The following ADGRL3 variants were observed in gnomAD, a reference collection of about 807,000 sequenced individuals.
ADGRL3 encodes calcium-independent alpha-latrotoxin receptor 3.
A neutral mutation model predicts 153.5 loss-of-function variants in ADGRL3; 62 were observed. The ratio of observed to expected loss-of-function variants is 0.40; its 90% CI spans 0.33 to 0.50. ADGRL3 has a LOEUF of 0.50. Ranked by LOEUF, ADGRL3 falls within the 20% of genes least tolerant of loss-of-function variation. The pLI is 0.47. For synonymous variants in ADGRL3, 710 were observed against 672.5 expected (o/e 1.06, Z -0.86); for missense variants, 1,641 against 1,859.4 (o/e 0.88, Z 2.16).
intron 4 of ADGRL3, among the ~76,000 whole-genome samples, chr4:61,576,373 A>G (rs1300207162): frequency 1.3e-5 from 2 of 151,758 alleles, no homozygotes; most frequent in African/African-American, 2.4e-5. Context: ...TGGCTAGTCT[A>G]TCACATCCTG....
chr4:61,509,429 A>G (rs1378470200), intron 3 of ADGRL3, among the ~76,000 whole-genome samples: 4 of 152,210 alleles, frequency 2.6e-5, no homozygotes, highest in African/African-American at 9.6e-5. Flanking sequence ...CGCCTGGCAC[A>G]TATCACATCT....
intron 2 of ADGRL3, among the ~76,000 whole-genome samples, chr4:61,425,958 G>A (rs1196549548): frequency 6.6e-6 from 1 of 152,220 alleles, no homozygotes; most frequent in Non-Finnish European, 1.5e-5. Context: ...TATCTAGTGA[G>A]AGGAGGTCAT....
intron 21 of ADGRL3, among the ~76,000 whole-genome samples, chr4:62,016,508 A>G (rs1395513193): frequency 6.6e-6 from 1 of 152,188 alleles, no homozygotes; most frequent in Admixed American, 6.5e-5. Flanking sequence ...ATGCTACCAC[A>G]GTATCCTACA....
chr4:61,795,393 G>T lies in ADGRL3; in HGVS notation c.1400-18416G>T, dbSNP rs569369862. On this transcript the variant is annotated intron_variant, in intron 8 of 26. Transcript: ENST00000683033. ...TCCTCCCAGAGGGCTGGAATTACAG[G>T]TGTGAGCCACTCTGTGGGCCGCAAC... Among the ~76,000 whole-genome samples the T allele has an allele frequency of 7.9e-5, 12 of 151,980 alleles. No individual in the cohort carries two copies. The East Asian group carries it at 1.9e-3, about 25-fold the overall frequency.
chr4:62,067,910 T>C (rs908005377), intron 25 of ADGRL3, among the ~76,000 whole-genome samples: 7 of 152,210 alleles, frequency 4.6e-5, no homozygotes, highest in Non-Finnish European at 1.0e-4. Context: ...AATTTACAAA[T>C]GGTGGAAACG....
At chr4:61,769,677 T>C (rs550730295) in intron 8 of ADGRL3, among the ~76,000 whole-genome samples, 1 of 151,282 alleles carries the variant, frequency 6.6e-6, no homozygotes, top group Non-Finnish European at 1.5e-5. Context: ...GGCCGTTTTA[T>C]AGGATTTGGG....
At chr4:61,432,351 A>G (rs1401348138) in intron 2 of ADGRL3, among the ~76,000 whole-genome samples, 1 of 152,174 alleles carries the variant, frequency 6.6e-6, no homozygotes, top group Non-Finnish European at 1.5e-5. Flanking sequence ...GTTAGATTAC[A>G]TATAAAGCAG....
chr4:61,997,440 G>A (rs17082517), intron 20 of ADGRL3, among the ~76,000 whole-genome samples: 5,956 of 151,916 alleles, frequency 0.039, 402 homozygotes, highest in African/African-American at 0.14. Context: ...AAAGTATTGC[G>A]AACATGTATT....
chr4:61,978,406 C>G (rs1176437200), intron 17 of ADGRL3, among the ~76,000 whole-genome samples: 1 of 151,644 alleles, frequency 6.6e-6, no homozygotes, highest in Non-Finnish European at 1.5e-5. Context: ...CACTGATTTT[C>G]TACTATTCTT....
intron 1 of ADGRL3, among the ~76,000 whole-genome samples, chr4:61,218,731 A>G (rs980842264): frequency 6.6e-6 from 1 of 152,198 alleles, no homozygotes; most frequent in Non-Finnish European, 1.5e-5. Flanking sequence ...TGAAGAAGGG[A>G]ACCTCCTGTT....
At chr4:61,934,669 G>T (rs1024206809) in intron 13 of ADGRL3, among the ~76,000 whole-genome samples, 171 bp from the exon 14 acceptor site, 1 of 152,172 alleles carries the variant, frequency 6.6e-6, no homozygotes, top group Non-Finnish European at 1.5e-5. Context: ...GGGTTTTACA[G>T]AACAAAATAA....
At chr4:61,466,227 TC>T (rs1254162338) in intron 2 of ADGRL3, among the ~76,000 whole-genome samples, 2 of 152,226 alleles carry the variant, frequency 1.3e-5, no homozygotes, top group African/African-American at 4.8e-5. Flanking sequence ...TAAAATAATT[TC>T]CACTACCTGT....
At chr4:61,517,576 G>T (rs2098504958) in intron 4 of ADGRL3, 58 bp downstream of exon 4, 3 of 691,090 alleles carry the variant, frequency 4.3e-6, no homozygotes, top group Non-Finnish European at 5.3e-6. Context: ...CTCCTGAGAG[G>T]CTCAGCCCCA....
At chr4:61,643,038 C>G (rs1460735041) in intron 5 of ADGRL3, among the ~76,000 whole-genome samples, 2 of 152,084 alleles carry the variant, frequency 1.3e-5, no homozygotes, top group Non-Finnish European at 2.9e-5. Context: ...GTATTTTATT[C>G]TCTTTGAAGC....
chr4:61,646,175 T>C (rs2093972892), intron 5 of ADGRL3, among the ~76,000 whole-genome samples: 1 of 152,036 alleles, frequency 6.6e-6, no homozygotes, highest in African/African-American at 2.4e-5. Context: ...TTATTCTAGT[T>C]ATACATTCTT....
Position 61,934,867 on chromosome 4 carries a change from C to T in ADGRL3, c.2140C>T (p.Leu714Phe), listed in dbSNP as rs896511719. Residue 714 changes from leucine to phenylalanine, a missense_variant, in exon 14 of 27, where the codon CTT (leucine) becomes TTT (phenylalanine). Leu to Phe is a conservative substitution (Grantham distance 22). This residue lies in a region of ADGRL3 where 734 missense variants were observed against 797.0 expected (regional missense o/e 0.92). Transcript: ENST00000683033. ...AATGGTCGAGACAGTTAACAACCTCCTTCAGCCACAAGCTTTGAATGCATG... is the reference window on the plus strand; with the variant it reads ...AATGGTCGAGACAGTTAACAACCTCTTTCAGCCACAAGCTTTGAATGCATG... The part of the protein sequence containing the change: ...QAMVETVNNL[L>F]QPQALNAWRD... 6.2e-7 allele frequency: 1 copy of T among 1,613,714 alleles called. No individual in the cohort carries two copies. Among genetic ancestry groups the T allele is most frequent in the East Asian group, 2.2e-5 (1 of 44,862 alleles).
At chr4:61,951,716 T>C (rs1399599066) in intron 17 of ADGRL3, among the ~76,000 whole-genome samples, 4 of 151,844 alleles carry the variant, frequency 2.6e-5, no homozygotes, top group Non-Finnish European at 5.9e-5. Flanking sequence ...AATACAAAAA[T>C]TAGCTGGGCG....
In ADGRL3 at chr4:61,398,941, C is replaced by A. The variant is rs190198579; in HGVS notation, c.-174+15752C>A. On this transcript the variant is annotated intron_variant, in intron 2 of 26. Transcript: ENST00000683033. ...TTCCCACAACCCCCACCAAAACACA[C>A]ACATATATGTGCTTTTTCTTCCATC... is the stretch of plus-strand genomic sequence containing the variant. 1.1e-3 allele frequency among the ~76,000 whole-genome samples: 161 copies of A among 151,742 alleles called. 1 individual carries two copies. Among genetic ancestry groups the A allele is most frequent in the Non-Finnish European group, 1.8e-3 (119 of 67,682 alleles).
intron 4 of ADGRL3, among the ~76,000 whole-genome samples, chr4:61,527,537 TAAAC>T (rs143119393): frequency 0.018 from 2,774 of 152,260 alleles, 82 homozygotes; most frequent in African/African-American, 0.063. Flanking sequence ...ATATGCAATT[TAAAC>T]AAGTTAGAAA....
Sources: gnomAD v4.1 joint callset for allele counts (sites outside exome capture counted in the v4.1 genomes callset) on GRCh38, gnomAD v4.1.1 for gene constraint, gnomAD v4.1.1 regional missense constraint, MANE v1.5 for transcripts, NCBI Gene and HGNC (gene_info 2026-07-23, HGNC 2026-07-21) for gene names.